Variants in CTNND2 observed in about 807,000 individuals in gnomAD.
CTNND2 encodes the protein catenin delta-2.
In CTNND2, 22 loss-of-function variants were observed where a neutral mutation model predicts 144.4. The ratio of observed to expected loss-of-function variants is 0.15; its 90% CI spans 0.11 to 0.22. The LOEUF is 0.22. CTNND2 is among the 10% of genes least tolerant of loss of function. The pLI, the probability that CTNND2 is intolerant of heterozygous loss-of-function variation, is 1.00. For missense variants in CTNND2, 1,353 were observed against 1,618.8 expected, an observed-to-expected ratio of 0.84 and a Z score of 2.82; for synonymous variants, 751 against 695.6, an observed-to-expected ratio of 1.08 and a Z score of -1.25.
intron 2 of CTNND2, among the ~76,000 whole-genome samples, chr5:11,630,162 C>T (rs1471146043): frequency 6.6e-6 from 1 of 152,188 alleles, no homozygotes; most frequent in Non-Finnish European, 1.5e-5. Context: ...AGACATAACT[C>T]ATTACCTTGG....
At chr5:11,154,680 C>G (rs955419897) in intron 12 of CTNND2, among the ~76,000 whole-genome samples, 3 of 152,150 alleles carry the variant, frequency 2.0e-5, no homozygotes, top group Non-Finnish European at 4.4e-5. Context: ...CCGAGTACCA[C>G]AAACTGGGTG....
chr5:11,868,085 G>T (rs1795857080), intron 1 of CTNND2, among the ~76,000 whole-genome samples: 1 of 151,944 alleles, frequency 6.6e-6, no homozygotes, highest in South Asian at 2.1e-4. Context: ...ACCATTATGT[G>T]TGACCTCTGA....
intron 1 of CTNND2, among the ~76,000 whole-genome samples, chr5:11,851,038 G>A (rs1311956201): frequency 1.1e-4 from 16 of 152,164 alleles, no homozygotes; most frequent in Admixed American, 9.8e-4. Flanking sequence ...AGAAAAGACG[G>A]AGGTCCCCCA....
At chr5:11,068,096 A>T (rs1288891442) in intron 16 of CTNND2, among the ~76,000 whole-genome samples, 1 of 152,210 alleles carries the variant, frequency 6.6e-6, no homozygotes, top group Non-Finnish European at 1.5e-5. Context: ...GAGAAATGGG[A>T]TATCTCAGAG....
chr5:11,558,360 GTGTGTGTGTGTGTGTGTGTGTGAC>G (rs1297736164), intron 3 of CTNND2, among the ~76,000 whole-genome samples: 19 of 103,022 alleles, frequency 1.8e-4, no homozygotes, highest in Admixed American at 6.1e-4. Context: ...GTGTGTGTGT[GTGTGTGTGTGTGTGTGTGTGTGAC>G]ACACAAGGTC....
chr5:11,459,045 T>C (rs1257042062), intron 3 of CTNND2, among the ~76,000 whole-genome samples: 1 of 152,050 alleles, frequency 6.6e-6, no homozygotes, highest in Admixed American at 6.6e-5. Flanking sequence ...GTTGTGATTA[T>C]AGGCACGAGC....
At chr5:11,831,666 C>CAA (rs61030048) in intron 1 of CTNND2, among the ~76,000 whole-genome samples, 111 of 99,164 alleles carry the variant, frequency 1.1e-3, no homozygotes, top group African/African-American at 3.4e-3. Flanking sequence ...GACTCTGTAT[C>CAA]AAAAAAAAAA....
chr5:11,346,826 C>T (rs1580975033), intron 8 of CTNND2, among the ~76,000 whole-genome samples, 199 bp from the exon 9 acceptor site: 1 of 152,106 alleles, frequency 6.6e-6, no homozygotes, highest in African/African-American at 2.4e-5. Flanking sequence ...GCCTAAGAGA[C>T]AAACCTTTCA....
rs114823916 is a variant in CTNND2 at position 11,816,589 on chromosome 5, A to G, written c.38-84317T>C. Reference sequence around the variant, plus strand: ...CTCCAGTACCAGAGAAGCCAAGTGCAGAGCAGGTAGGGGAGGGAAGAGAGA... The same window carrying G: ...CTCCAGTACCAGAGAAGCCAAGTGCGGAGCAGGTAGGGGAGGGAAGAGAGA... On this transcript the variant is annotated intron_variant, in intron 1 of 21. Transcript: ENST00000304623. Among the ~76,000 whole-genome samples, 1,061 of 137,354 alleles carry G rather than the reference A, an allele frequency of 7.7e-3. 20 individuals are homozygous for G. The highest frequency in any genetic ancestry group is 0.028 in the African/African-American group (989 of 35,792). 90.1% of individuals were successfully genotyped at this position (137,354 alleles called of 152,430 possible). A position where few individuals can be genotyped will look rare whatever the true frequency, so the allele number is the denominator to read the frequency against.
At chr5:11,714,248 C>A (rs1786213189) in intron 2 of CTNND2, among the ~76,000 whole-genome samples, 1 of 152,106 alleles carries the variant, frequency 6.6e-6, no homozygotes, top group South Asian at 2.1e-4. Context: ...GCCTTCCAGA[C>A]AGAAAAACAA....
intron 2 of CTNND2, among the ~76,000 whole-genome samples, chr5:11,583,760 C>T (rs567480196): frequency 2.2e-4 from 33 of 152,284 alleles, no homozygotes; most frequent in Admixed American, 5.9e-4. Flanking sequence ...TTTAATTCTA[C>T]ACACCCAGAG....
At chr5:11,857,861 C>A (rs1582015638) in intron 1 of CTNND2, among the ~76,000 whole-genome samples, 1 of 152,172 alleles carries the variant, frequency 6.6e-6, no homozygotes, top group Admixed American at 6.5e-5. Flanking sequence ...GATTTCAACA[C>A]GAACCTTCCA....
intron 9 of CTNND2, among the ~76,000 whole-genome samples, chr5:11,326,661 C>T (rs909550362): frequency 6.6e-6 from 1 of 152,176 alleles, no homozygotes; most frequent in African/African-American, 2.4e-5. Flanking sequence ...CATCCTCATC[C>T]CTTTGCTCCC....
At chr5:11,535,063 C>A (rs988045391) in intron 3 of CTNND2, among the ~76,000 whole-genome samples, 2 of 151,946 alleles carry the variant, frequency 1.3e-5, no homozygotes, top group Non-Finnish European at 2.9e-5. Context: ...TGGCGGATGC[C>A]TGTAATCCCA....
chr5:11,055,010 G>A (rs1746205970), intron 16 of CTNND2, among the ~76,000 whole-genome samples: 1 of 152,214 alleles, frequency 6.6e-6, no homozygotes, highest in Non-Finnish European at 1.5e-5. Flanking sequence ...CTGAAGCTGA[G>A]CAATGCCAAG....
chr5:11,705,901 C>T (rs184544063), intron 2 of CTNND2, among the ~76,000 whole-genome samples: 29 of 152,282 alleles, frequency 1.9e-4, no homozygotes, highest in Admixed American at 9.8e-4. Flanking sequence ...ACATGCATTA[C>T]GTGAGACTTT....
chr5:11,271,612 G>C (rs976161630), intron 9 of CTNND2, among the ~76,000 whole-genome samples: 12 of 152,128 alleles, frequency 7.9e-5, no homozygotes, highest in Non-Finnish European at 7.3e-5. Flanking sequence ...TTGTCAGAAT[G>C]GGTCCCACTG....
intron 16 of CTNND2, among the ~76,000 whole-genome samples, chr5:11,064,646 T>A (rs1252920107): frequency 6.7e-6 from 1 of 148,686 alleles, no homozygotes; most frequent in Non-Finnish European, 1.5e-5. Flanking sequence ...CTACAGCTGT[T>A]TAAACCCCCT....
At chr5:11,793,279 G>A (rs1259589368) in intron 1 of CTNND2, among the ~76,000 whole-genome samples, 1 of 152,054 alleles carries the variant, frequency 6.6e-6, no homozygotes, top group African/African-American at 2.4e-5. Context: ...CTCAGGAAAT[G>A]GCAATTCTGT....
Sources: allele counts gnomAD v4.1 joint callset (sites outside exome capture counted in the v4.1 genomes callset), GRCh38; gene constraint gnomAD v4.1.1; transcripts MANE v1.5; gene names NCBI Gene and HGNC (gene_info 2026-07-23, HGNC 2026-07-21).